Variants in PRORP observed in about 807,000 individuals in gnomAD.
The protein encoded by PRORP is protein only RNase P catalytic subunit.
In PRORP, 51 loss-of-function variants were observed where a neutral mutation model predicts 59.4. The observed-to-expected ratio is 0.86, with a 90% CI of 0.69 to 1.08. The LOEUF (loss-of-function observed/expected upper bound fraction) is 1.08. Among genes scored for constraint, PRORP ranks in the 50% least tolerant of loss-of-function variants. The pLI is 0.00. For synonymous variants in PRORP, 231 were observed against 245.6 expected (o/e 0.94, Z 0.55); for missense variants, 646 against 690.3 (o/e 0.94, Z 0.72).
At chr14:35,183,093 C>T (rs1398722656) in intron 5 of PRORP, among the ~76,000 whole-genome samples, 2 of 152,044 alleles carry the variant, frequency 1.3e-5, no homozygotes, top group African/African-American at 4.8e-5. Context: ...TGAAAAACAA[C>T]ATGCTTAGAA....
intron 4 of PRORP, among the ~76,000 whole-genome samples, chr14:35,175,503 G>A (rs1480629143): frequency 3.3e-5 from 5 of 152,114 alleles, no homozygotes; most frequent in South Asian, 2.1e-4. Context: ...GTGATGATGA[G>A]CATTTTTTCA....
At position 35,226,619 on chromosome 14, in the gene PRORP, C is replaced by A. The variant is rs76616335; in HGVS notation, c.1276-40108C>A. On this transcript the variant is annotated intron_variant, in intron 5 of 7. Transcript: ENST00000534898. The stretch of plus-strand genomic sequence containing the variant: ...GGGGGGAGTAATAAATATTGCCTAA[C>A]TTTGTTCTATTACCAAACTTGTGGC... 7.1e-3 allele frequency among the ~76,000 whole-genome samples: 1,080 copies of A among 152,248 alleles called. 18 individuals carry two copies. Among genetic ancestry groups the A allele is most frequent in the African/African-American group, 0.025 (1,032 of 41,528 alleles).
intron 5 of PRORP, among the ~76,000 whole-genome samples, chr14:35,182,608 G>A (rs146506389): frequency 4.2e-4 from 64 of 152,304 alleles, no homozygotes; most frequent in African/African-American, 1.4e-3. Context: ...TCTTGCCATT[G>A]CACTCCAGCC....
intron 5 of PRORP, among the ~76,000 whole-genome samples, chr14:35,235,877 C>G (rs190485305): frequency 6.6e-6 from 1 of 151,722 alleles, no homozygotes; most frequent in East Asian, 1.9e-4. Flanking sequence ...CCAGCCTGGG[C>G]AAGGTGACAA....
intron 4 of PRORP, among the ~76,000 whole-genome samples, chr14:35,129,800 G>A (rs72664843): frequency 0.031 from 4,666 of 152,014 alleles, 108 homozygotes; most frequent in Middle Eastern, 0.1. Context: ...TTGATTGGAG[G>A]TTACCATGAG....
At chr14:35,199,744 C>T (rs1174927217) in intron 5 of PRORP, among the ~76,000 whole-genome samples, 3 of 152,100 alleles carry the variant, frequency 2.0e-5, no homozygotes, top group African/African-American at 4.8e-5. Flanking sequence ...AGACTGAGAC[C>T]GTAGTATTTC....
At chr14:35,190,490 T>G (rs2048856351) in intron 5 of PRORP, among the ~76,000 whole-genome samples, 2 of 152,032 alleles carry the variant, frequency 1.3e-5, no homozygotes, top group Admixed American at 1.3e-4. Context: ...ATGACTAAAT[T>G]TATTTTATTA....
chr14:35,251,617 C>CT (rs1456310967), intron 5 of PRORP, among the ~76,000 whole-genome samples: 2 of 152,078 alleles, frequency 1.3e-5, no homozygotes, highest in Non-Finnish European at 2.9e-5. Flanking sequence ...TAGAGTGCAG[C>CT]TACCTTGGCT....
intron 5 of PRORP, among the ~76,000 whole-genome samples, chr14:35,254,860 A>G (rs1043585831): frequency 6.6e-6 from 1 of 152,106 alleles, no homozygotes; most frequent in Non-Finnish European, 1.5e-5. Context: ...CACATTTGAC[A>G]CCTTGCAGTT....
chr14:35,256,831 C>T (rs1262036759), intron 5 of PRORP, among the ~76,000 whole-genome samples: 2 of 151,222 alleles, frequency 1.3e-5, no homozygotes, highest in East Asian at 1.9e-4. Context: ...GCTATTCTGC[C>T]TGCTTTTGTT....
intron 5 of PRORP, among the ~76,000 whole-genome samples, chr14:35,207,012 A>T (rs1405246751): frequency 6.6e-6 from 1 of 152,142 alleles, no homozygotes; most frequent in Non-Finnish European, 1.5e-5. Context: ...TTTAACCCCT[A>T]CATTTTTCTG....
At chr14:35,159,169 C>T (rs1207604886) in intron 4 of PRORP, 1 of 172,884 alleles carries the variant, frequency 5.8e-6, no homozygotes, top group African/African-American at 2.4e-5. Context: ...CAGCAGTTTC[C>T]CATTCCTGCC....
chr14:35,148,450 G>A (rs2047663692), intron 4 of PRORP, among the ~76,000 whole-genome samples: 1 of 152,132 alleles, frequency 6.6e-6, no homozygotes, highest in African/African-American at 2.4e-5. Flanking sequence ...TCCACAGTGG[G>A]CTTGAAATAT....
chr14:35,153,943 C>G (rs1384591481), intron 4 of PRORP, among the ~76,000 whole-genome samples: 1 of 152,182 alleles, frequency 6.6e-6, no homozygotes, highest in Non-Finnish European at 1.5e-5. Flanking sequence ...AAGCTAGTCA[C>G]TGTTATGAGT....
At chr14:35,163,087 ACTTT>A (rs1566467925) in intron 4 of PRORP, among the ~76,000 whole-genome samples, 1 of 152,036 alleles carries the variant, frequency 6.6e-6, no homozygotes, top group Non-Finnish European at 1.5e-5. Flanking sequence ...GGGTTCTGGC[ACTTT>A]CTTTAATAAA....
chr14:35,234,845 AT>A (rs960773645), intron 5 of PRORP, among the ~76,000 whole-genome samples: 17 of 148,802 alleles, frequency 1.1e-4, no homozygotes, highest in African/African-American at 3.0e-4. Context: ...TGCCCAACTA[AT>A]TTTTTTTTTA....
chr14:35,266,978 A>G (rs2051058248), intron 6 of PRORP, 103 bp downstream of exon 6: 9 of 1,003,996 alleles, frequency 9.0e-6, no homozygotes, highest in Non-Finnish European at 1.2e-5. Context: ...GTGTATGTGT[A>G]TACTCACCCT....
chr14:35,205,413 C>G (rs2049266092), intron 5 of PRORP, among the ~76,000 whole-genome samples: 2 of 152,042 alleles, frequency 1.3e-5, no homozygotes, highest in South Asian at 4.1e-4. Context: ...TGGTCTCGAA[C>G]TCCTGACCTC....
chr14:35,226,740 T>C (rs1222570593), intron 5 of PRORP, among the ~76,000 whole-genome samples: 3 of 143,172 alleles, frequency 2.1e-5, no homozygotes, highest in Non-Finnish European at 4.4e-5. Flanking sequence ...TTATTATTAT[T>C]TCATTATTTT....
Sources: allele counts gnomAD v4.1 joint callset (sites outside exome capture counted in the v4.1 genomes callset), GRCh38; gene constraint gnomAD v4.1.1; transcripts MANE v1.5; gene names NCBI Gene and HGNC (gene_info 2026-07-23, HGNC 2026-07-21).